Variants in CARS2 observed in about 807,000 individuals in gnomAD.
CARS2 encodes cysteinyl-tRNA synthetase 2, mitochondrial.
Under a neutral mutation model 68.8 loss-of-function variants are expected in CARS2, and 52 were observed. That is an observed-to-expected ratio of 0.76 (90% CI 0.61 to 0.95). The LOEUF (loss-of-function observed/expected upper bound fraction) is 0.95, where lower values mean the gene tolerates loss of function less well. CARS2 is among the 40% of genes least tolerant of loss of function. The pLI is 0.00. For missense variants in CARS2, 780 were observed against 754.2 expected (o/e 1.03, Z -0.40); for synonymous variants, 314 against 303.6 (o/e 1.03, Z -0.36).
In CARS2 at chr13:110,642,501, G is replaced by A. The variant is rs756303536; in HGVS notation, c.1437C>T (p.Ser479=). The A allele has an allele frequency of 1.2e-5, 19 of 1,607,554 alleles. No homozygotes were observed. The highest frequency in any genetic ancestry group is 4.5e-5 in the East Asian group (2 of 44,614). Reference sequence around the variant, plus strand: ...CCACCACACCATGCAAGGTAGCCTCGCTGCCGTCTCCTGAAACGTACTGAA... The same window carrying A: ...CCACCACACCATGCAAGGTAGCCTCACTGCCGTCTCCTGAAACGTACTGAA... ...ANQQYVSGDG[S]EATLHGVVDE... is the part of the protein sequence containing the mutation. Residue 479 remains serine (S), a synonymous_variant, in exon 14 of 15, where the codon AGC becomes AGT. Coordinates refer to ENST00000257347, the MANE Select transcript of CARS2 (RefSeq NM_024537.4).
chr13:110,696,424 C>T (rs960681498), intron 3 of CARS2, among the ~76,000 whole-genome samples: 1 of 152,240 alleles, frequency 6.6e-6, no homozygotes, highest in African/African-American at 2.4e-5. Flanking sequence ...ACATCCTCGC[C>T]AGCATCTGTT....
Position 110,665,629 on chromosome 13 carries a change from C to T in CARS2, c.919+1711G>A. On this transcript the variant is annotated intron_variant, in intron 8 of 14. Coordinates refer to ENST00000257347, the MANE Select transcript of CARS2 (RefSeq NM_024537.4). The surrounding 1 kb of genome is among the most constrained non-coding windows in gnomAD (Gnocchi z 4.3). ...GCAGGTCATGGTTGTCAGTAACAAACCCTGACCTACTGAACAGGATAAACC... is the reference window on the plus strand; with the variant it reads ...GCAGGTCATGGTTGTCAGTAACAAATCCTGACCTACTGAACAGGATAAACC... The T allele has an allele frequency of 1.0e-6, 1 of 985,402 alleles. No homozygotes were observed. The highest frequency in any genetic ancestry group is 1.7e-5 in the African/African-American group (1 of 57,350). The allele number at this position is 985,402 out of a possible 1,614,324, so 61.0% of individuals were successfully genotyped here.
intron 14 of CARS2, 73 bp downstream of exon 14, chr13:110,642,242 C>T (rs1801714232): frequency 8.3e-7 from 1 of 1,203,570 alleles, no homozygotes; most frequent in Non-Finnish European, 1.2e-6. Flanking sequence ...ATGTCTGGGC[C>T]TCTGATGGCC....
rs929111668 is a variant in CARS2 at position 110,665,721 on chromosome 13, C to G, written c.919+1619G>C. 6 of 985,306 alleles carry G rather than the reference C, an allele frequency of 6.1e-6. No individual in the cohort carries two copies. In the Admixed American group the frequency reaches 3.7e-4, roughly 61 times the overall value. 61.0% of individuals were successfully genotyped at this position (985,306 alleles called of 1,614,324 possible). On this transcript the variant is annotated intron_variant, in intron 8 of 14. Coordinates refer to ENST00000257347, the MANE Select transcript of CARS2 (RefSeq NM_024537.4). This position sits in a 1 kb window ranked among gnomAD's most constrained non-coding sequence, Gnocchi z 4.3. Reference sequence around the variant, plus strand: ...CTCAGACAGTTCAGGGAGCGCTGAACTGAGCCCTGAACGAAGTCAACGAGG... The same window carrying G: ...CTCAGACAGTTCAGGGAGCGCTGAAGTGAGCCCTGAACGAAGTCAACGAGG...
intron 5 of CARS2, among the ~76,000 whole-genome samples, 200 bp from the exon 6 acceptor site, chr13:110,683,334 C>T (rs1483029433): frequency 6.6e-6 from 1 of 152,184 alleles, no homozygotes; most frequent in Non-Finnish European, 1.5e-5. Flanking sequence ...TCACAGCTCA[C>T]GATAGCCTTG....
chr13:110,699,015 A>T (rs1236847843), intron 3 of CARS2, among the ~76,000 whole-genome samples: 10 of 52,132 alleles, frequency 1.9e-4, no homozygotes. Context: ...CTGTCTCCAA[A>T]AAAAAAGAAA....
chr13:110,667,253 A>G (rs1172066050), intron 8 of CARS2, 87 bp downstream of exon 8: 1 of 1,209,348 alleles, frequency 8.3e-7, no homozygotes, highest in South Asian at 1.5e-5. Context: ...CTGATCTACT[A>G]TGTATTTCCA....
At chr13:110,707,718 C>T (rs947668451), upstream of CARS2, 6 of 151,652 alleles carry the variant, frequency 4.0e-5, no homozygotes, top group African/African-American at 1.5e-4. Flanking sequence ...GTCCCCTTTG[C>T]TTTTCCAGTT....
upstream of CARS2, chr13:110,706,424 C>G (rs1206312517): frequency 5.5e-6 from 1 of 183,324 alleles, no homozygotes; most frequent in Non-Finnish European, 1.1e-5. Context: ...TCCGTGTGCG[C>G]GCGGTACCAG....
rs370689209 is a variant in CARS2 at position 110,641,553 on chromosome 13, T to C, written c.1679A>G (p.Gln560Arg). Reference sequence around the variant, plus strand: ...GCTCCATCCTCAGCCCGCTGATTTTTGGTCTTTTGTCCTTTGATCCAGCAG... The same window carrying C: ...GCTCCATCCTCAGCCCGCTGATTTTCGGTCTTTTGTCCTTTGATCCAGCAG... ...WELLDQRTKDQKSAG is the reference protein window; with the variant it reads ...WELLDQRTKDRKSAG The change falls in exon 15 of 15, where the codon CAA (glutamine) becomes CGA (arginine). Residue 560 changes from glutamine (Q) to arginine (R), a missense_variant. Transcript: ENST00000257347. The C allele has an allele frequency of 5.6e-6, 9 of 1,613,882 alleles. No homozygotes were observed. The African/African-American group carries it at 1.2e-4, about 22-fold the overall frequency.
chr13:110,712,992 C>A, intron 1 of CARS2: 1 of 1,548,530 alleles, frequency 6.5e-7, no homozygotes, highest in African/African-American at 1.4e-5. Flanking sequence ...GTCTCCCGCG[C>A]ACTCTGCGGC....
chr13:110,672,093 T>C (rs1393884704), intron 7 of CARS2, among the ~76,000 whole-genome samples: 2 of 152,306 alleles, frequency 1.3e-5, no homozygotes, highest in Middle Eastern at 3.4e-3. Flanking sequence ...CAAAGAGACT[T>C]AGACTCCCAC....
intron 3 of CARS2, among the ~76,000 whole-genome samples, chr13:110,692,396 G>A (rs543674949): frequency 2.0e-5 from 3 of 151,546 alleles, no homozygotes; most frequent in Non-Finnish European, 2.9e-5. Flanking sequence ...GCCTGAACCC[G>A]GGAGGCGGAG....
chr13:110,663,687 G>A lies in CARS2; in HGVS notation c.920-169C>T, dbSNP rs141762931. The A allele has an allele frequency of 8.1e-4, 1,128 of 1,398,008 alleles. 3 individuals are homozygous for A. The African/African-American group carries it at 0.013, about 17-fold the overall frequency. 86.6% of individuals were successfully genotyped at this position (1,398,008 alleles called of 1,614,324 possible). A position where few individuals can be genotyped will look rare whatever the true frequency, so the allele number is the denominator to read the frequency against. The stretch of plus-strand genomic sequence containing the variant: ...AATCTTCACCCGTGCTGGGCCTTCC[G>A]GGAAGACAGGACCTGCCCTTGTTCC... On this transcript the variant is annotated intron_variant, in intron 8 of 14. Transcript: ENST00000257347.
At chr13:110,643,054 T>C (rs1361887469) in intron 13 of CARS2, 1 of 317,066 alleles carries the variant, frequency 3.2e-6, no homozygotes, top group African/African-American at 2.2e-5. Context: ...GTTAAATCCA[T>C]GTGTGTAAAA....
chr13:110,713,410 A>G, exon 1 of CARS2: 1 of 1,015,358 alleles, frequency 9.8e-7, no homozygotes, highest in Non-Finnish European at 1.2e-6. Context: ...GCCGCCCAAC[A>G]GGCTCTGCCT....
At position 110,705,194 on chromosome 13, in the gene CARS2, G is replaced by C. The variant is rs1437101608; in HGVS notation, c.275+327C>G. 6.6e-6 allele frequency among the ~76,000 whole-genome samples: 1 copy of C among 152,132 alleles called. No individual in the cohort carries two copies. Among genetic ancestry groups the C allele is most frequent in the African/African-American group, 2.4e-5 (1 of 41,418 alleles). On this transcript the variant is annotated intron_variant, in intron 2 of 14. Coordinates refer to ENST00000257347, the MANE Select transcript of CARS2 (RefSeq NM_024537.4). This position sits in a 1 kb window ranked among gnomAD's most constrained non-coding sequence, Gnocchi z 4.0. ...AGTGCTGTGAAGCTAAGAAGTGGTG[G>C]GGCCCAGGAATGACTGATCAGCAGG...
intron 12 of CARS2, chr13:110,645,640 C>A: frequency 4.2e-6 from 1 of 235,634 alleles, no homozygotes; most frequent in Non-Finnish European, 8.1e-6. Flanking sequence ...AAAAGTTCCC[C>A]ACAAAAGCTC....
intron 14 of CARS2, among the ~76,000 whole-genome samples, chr13:110,641,992 G>A (rs1355970930): frequency 6.6e-6 from 1 of 152,096 alleles, no homozygotes; most frequent in African/African-American, 2.4e-5. Flanking sequence ...ACCTGAGGTC[G>A]GGAGTTTGAG....
Sources: gnomAD v4.1 joint callset for allele counts (sites outside exome capture counted in the v4.1 genomes callset) on GRCh38, gnomAD v4.1.1 for gene constraint, Gnocchi (gnomAD v3.1) non-coding constraint, MANE v1.5 for transcripts, NCBI Gene and HGNC (gene_info 2026-07-23, HGNC 2026-07-21) for gene names.